ARMC12: variants seen among roughly 807,000 people sequenced by gnomAD.
ARMC12 encodes the protein armadillo repeat containing 12.
In ARMC12, 25 loss-of-function variants were observed where a neutral mutation model predicts 37.4. The ratio of observed to expected loss-of-function variants is 0.67; its 90% CI spans 0.49 to 0.93. The LOEUF is 0.93. Ranked by LOEUF, ARMC12 falls within the 40% of genes least tolerant of loss-of-function variation. ARMC12 has a pLI of 0.00. For synonymous variants in ARMC12, 167 were observed against 176.1 expected, an observed-to-expected ratio of 0.95 and a Z score of 0.41; for missense variants, 384 against 426.6, an observed-to-expected ratio of 0.90 and a Z score of 0.88.
chr6:35,733,073 G>A (rs1019241100), upstream of ARMC12, among the ~76,000 whole-genome samples: 3 of 152,202 alleles, frequency 2.0e-5, no homozygotes, highest in Admixed American at 6.5e-5. Context: ...TTGGTAAACT[G>A]AGGCACAAGA....
chr6:35,748,416 C>CTA, intron 5 of ARMC12, 122 bp from the exon 6 acceptor site: 1 of 714,322 alleles, frequency 1.4e-6, no homozygotes, highest in Non-Finnish European at 2.0e-6. Flanking sequence ...TAAAAAATTA[C>CTA]TATATACTCG....
At position 35,742,019 on chromosome 6, in the gene ARMC12, G is replaced by A. The variant is rs933871061; in HGVS notation, c.444+3501G>A. ...ATTACAGGCATGCACCAATATGCCC[G>A]GCTAATTTTTGTATTTTTTTAGAGG... On this transcript the variant is annotated intron_variant, in intron 3 of 5. Transcript: ENST00000373866. Among the ~76,000 whole-genome samples the A allele has an allele frequency of 3.3e-5, 5 of 151,456 alleles. No homozygotes were observed. The South Asian group carries it at 6.3e-4, about 19-fold the overall frequency.
At position 35,738,013 on chromosome 6, in the gene ARMC12, G is replaced by T; in HGVS notation, c.164-14G>T. On this transcript the variant is annotated splice_polypyrimidine_tract_variant and intron_variant, in intron 1 of 5. Coordinates refer to ENST00000373866, the MANE Select transcript of ARMC12 (RefSeq NM_001286574.2). ...TGAGTCCACAGCCTGAACTGGGCTG[G>T]GGTGGCTGTCTAGGCCTGGCAGTCG... 1 of 1,612,022 alleles carries T rather than the reference G, an allele frequency of 6.2e-7. No individual in the cohort carries two copies. The highest frequency in any genetic ancestry group is 8.5e-7 in the Non-Finnish European group (1 of 1,180,022).
At chr6:35,743,308 C>G (rs1299691637) in intron 3 of ARMC12, among the ~76,000 whole-genome samples, 2 of 152,018 alleles carry the variant, frequency 1.3e-5, no homozygotes, top group Admixed American at 6.6e-5. Context: ...CCTCCGCCTC[C>G]CGGGTTCAAG....
intron 2 of ARMC12, 33 bp downstream of exon 2, chr6:35,738,205 C>T: frequency 6.4e-7 from 1 of 1,562,408 alleles, no homozygotes; most frequent in Non-Finnish European, 8.7e-7. Flanking sequence ...CCTAGCCGGC[C>T]TGGCCCCTGG....
chr6:35,738,862 G>A (rs1767078897), intron 3 of ARMC12, among the ~76,000 whole-genome samples: 1 of 152,114 alleles, frequency 6.6e-6, no homozygotes, highest in Non-Finnish European at 1.5e-5. Flanking sequence ...TCCATAGTTA[G>A]GGCAGACTTC....
At chr6:35,740,897 G>GTTTTT (rs11365534) in intron 3 of ARMC12, among the ~76,000 whole-genome samples, 8 of 116,396 alleles carry the variant, frequency 6.9e-5, no homozygotes, top group African/African-American at 1.4e-4. Context: ...CTTCCTTCTG[G>GTTTTT]TTTTTTTTTT....
At position 35,748,844 on chromosome 6, in the gene ARMC12, C is replaced by G. The variant is rs143217349; in HGVS notation, c.997C>G (p.Arg333Gly). Residue 333 changes from arginine (R) to glycine (G), a missense_variant, in exon 6 of 6, where the codon CGT becomes GGT. Physicochemically the swap from Arg to Gly is moderately radical, Grantham distance 125. Coordinates refer to ENST00000373866, the MANE Select transcript of ARMC12 (RefSeq NM_001286574.2). ...CCGGCCCTCCTCCTGCCAGCCCAGT[C>G]GTTCCTACTTTAAAAACACGGAATA... ...RARPSSCQPS[R>G]SYFKNTE is the part of the protein sequence containing the mutation. 6.2e-7 allele frequency: 1 copy of G among 1,611,538 alleles called. No individual in the cohort carries two copies. The highest frequency in any genetic ancestry group is 8.5e-7 in the Non-Finnish European group (1 of 1,178,920).
chr6:35,732,334 G>C (rs1766854234), upstream of ARMC12, among the ~76,000 whole-genome samples: 1 of 152,220 alleles, frequency 6.6e-6, no homozygotes, highest in African/African-American at 2.4e-5. Context: ...GCTCGCACGT[G>C]TTGAGCGTCC....
At chr6:35,735,539 C>T (rs1010352572), upstream of ARMC12, among the ~76,000 whole-genome samples, 2 of 152,210 alleles carry the variant, frequency 1.3e-5, no homozygotes, top group African/African-American at 2.4e-5. This position sits in a 1 kb window ranked among gnomAD's most constrained non-coding sequence, Gnocchi z 4.0. Flanking sequence ...TCCCTACCTC[C>T]TTCCATCCTG....
intron 3 of ARMC12, among the ~76,000 whole-genome samples, chr6:35,746,632 A>G (rs1767344904): frequency 6.6e-6 from 1 of 152,078 alleles, no homozygotes; most frequent in Non-Finnish European, 1.5e-5. Flanking sequence ...AGTGGGGGTG[A>G]GGAGAAGTGG....
upstream of ARMC12, among the ~76,000 whole-genome samples, chr6:35,734,754 A>G (rs954928404): frequency 2.0e-5 from 3 of 152,068 alleles, no homozygotes; most frequent in African/African-American, 7.2e-5. Flanking sequence ...GTGAGCCAAC[A>G]TCGCACCACT....
At chr6:35,738,296 G>GGGGGT in intron 2 of ARMC12, 88 bp from the exon 3 acceptor site, 1 of 1,394,722 alleles carries the variant, frequency 7.2e-7, no homozygotes, top group Non-Finnish European at 9.6e-7. Context: ...TGGGGGGGGG[G>GGGGGT]TGTGCGGAGG....
rs1413814657 is a variant in ARMC12 at position 35,739,377 on chromosome 6, C to T, written c.444+859C>T. ...GTGATTAACTTCTTTTAATTTATAA[C>T]TAAGGTCTGAGTCCTGAAGACCTTC... On this transcript the variant is annotated intron_variant, in intron 3 of 5. Transcript: ENST00000373866. 4.6e-5 allele frequency among the ~76,000 whole-genome samples: 7 copies of T among 152,218 alleles called. No homozygotes were observed. In the South Asian group the frequency reaches 1.0e-3, roughly 23 times the overall value.
the ARMC12 span, among the ~76,000 whole-genome samples, chr6:35,731,829 G>A: frequency 3.8e-4 from 58 of 152,296 alleles, no homozygotes; most frequent in African/African-American, 1.4e-3. Flanking sequence ...GCCCCTTCCC[G>A]GGCAGCCCCG....
At chr6:35,740,202 A>G (rs1447958607) in intron 3 of ARMC12, among the ~76,000 whole-genome samples, 2 of 152,176 alleles carry the variant, frequency 1.3e-5, no homozygotes, top group African/African-American at 4.8e-5. Context: ...CCATTACTCC[A>G]TAGACAAAAT....
rs1234853395 is a variant in ARMC12, at chr6:35,748,525, A to G, written c.691-13A>G. ...AGGAGTTTATTCCCATTCTTTCTCT[A>G]TTCCCATCACAGGTTCACTCCAACT... On this transcript the variant is annotated splice_polypyrimidine_tract_variant and intron_variant, in intron 5 of 5. Coordinates refer to ENST00000373866, the MANE Select transcript of ARMC12 (RefSeq NM_001286574.2). 6.8e-6 allele frequency: 10 copies of G among 1,468,594 alleles called. No homozygotes were observed. The highest frequency in any genetic ancestry group is 9.0e-6 in the Non-Finnish European group (10 of 1,107,110). 91.0% of individuals were successfully genotyped at this position (1,468,594 alleles called of 1,614,324 possible). A position where few individuals can be genotyped will look rare whatever the true frequency, so the allele number is the denominator to read the frequency against.
At position 35,738,190 on chromosome 6, in the gene ARMC12, TC is replaced by T; in HGVS notation, c.309+24del. Reference sequence around the variant, plus strand: ...AGGCTGAGGTAAGGGAAGCAGGAGGTCCCCCCTAGCCGGCCTGGCCCCTGGG... The same window carrying T: ...AGGCTGAGGTAAGGGAAGCAGGAGGTCCCCCTAGCCGGCCTGGCCCCTGGG... On this transcript the variant is annotated intron_variant, in intron 2 of 5. Transcript: ENST00000373866. The T allele has an allele frequency of 1.3e-6, 2 of 1,524,168 alleles. No individual in the cohort carries two copies. Among genetic ancestry groups the T allele is most frequent in the Non-Finnish European group, 8.9e-7 (1 of 1,126,372 alleles). 94.4% of individuals were successfully genotyped at this position (1,524,168 alleles called of 1,614,324 possible). A position where few individuals can be genotyped will look rare whatever the true frequency, so the allele number is the denominator to read the frequency against.
At chr6:35,734,734 A>G (rs1255623409), upstream of ARMC12, among the ~76,000 whole-genome samples, 2 of 152,010 alleles carry the variant, frequency 1.3e-5, no homozygotes, top group Non-Finnish European at 2.9e-5. Context: ...TCTGGGAGGC[A>G]GAGATTGCAG....
Sources: allele counts gnomAD v4.1 joint callset (sites outside exome capture counted in the v4.1 genomes callset), GRCh38; gene constraint gnomAD v4.1.1; non-coding constraint Gnocchi (gnomAD v3.1); transcripts MANE v1.5; gene names NCBI Gene and HGNC (gene_info 2026-07-23, HGNC 2026-07-21).